Variants in COL15A1 observed in about 807,000 individuals in gnomAD.
COL15A1 encodes collagen alpha-1(XV) chain.
A neutral mutation model predicts 165.9 loss-of-function variants in COL15A1; 111 were observed. That is an observed-to-expected ratio of 0.67 (90% CI 0.57 to 0.78). COL15A1 has a LOEUF of 0.78. COL15A1 is among the 30% of genes least tolerant of loss of function. The pLI is 0.00. For missense variants in COL15A1, 1,745 were observed against 1,789.7 expected, an observed-to-expected ratio of 0.98 and a Z score of 0.45; for synonymous variants, 659 against 674.8, an observed-to-expected ratio of 0.98 and a Z score of 0.36.
chr9:98,996,740 AC>A (rs1233598618), intron 5 of COL15A1, among the ~76,000 whole-genome samples, 193 bp from the exon 6 acceptor site: 1 of 152,038 alleles, frequency 6.6e-6, no homozygotes, highest in Non-Finnish European at 1.5e-5. Flanking sequence ...GAATCTAATG[AC>A]CTCTAGTAGG....
At chr9:99,038,440 G>A (rs898851929) in intron 21 of COL15A1, among the ~76,000 whole-genome samples, 2 of 152,202 alleles carry the variant, frequency 1.3e-5, no homozygotes, top group African/African-American at 2.4e-5. Flanking sequence ...GAAGACATTC[G>A]TATATTGTGT....
chr9:99,015,905 C>T lies in COL15A1; in HGVS notation c.1504-71C>T, dbSNP rs534343131. 5.7e-5 allele frequency: 89 copies of T among 1,559,968 alleles called. No homozygotes were observed. In the East Asian group the frequency reaches 6.3e-4, roughly 11 times the overall value. On this transcript the variant is annotated intron_variant, in intron 10 of 41. Transcript: ENST00000375001. ...TGAAACTGGGCTGGCACCACAGAAACGACTGTTACAACTCCCTGGCAGCCT... is the reference window on the plus strand; with the variant it reads ...TGAAACTGGGCTGGCACCACAGAAATGACTGTTACAACTCCCTGGCAGCCT...
intron 5 of COL15A1, among the ~76,000 whole-genome samples, chr9:98,995,018 C>T (rs921540778): frequency 6.6e-6 from 1 of 152,082 alleles, no homozygotes; most frequent in African/African-American, 2.4e-5. Flanking sequence ...CTGCCCTGCC[C>T]GCCTCATCCC....
At chr9:98,970,954 C>T (rs1838039421) in intron 2 of COL15A1, among the ~76,000 whole-genome samples, 1 of 152,064 alleles carries the variant, frequency 6.6e-6, no homozygotes, top group South Asian at 2.1e-4. Context: ...GTATGTGAAC[C>T]TATGCGTGTG....
At chr9:98,991,642 G>A (rs1343954412) in intron 5 of COL15A1, among the ~76,000 whole-genome samples, 1 of 152,120 alleles carries the variant, frequency 6.6e-6, no homozygotes, top group Non-Finnish European at 1.5e-5. Context: ...CCTTGAGCTA[G>A]ATACAGAGTG....
chr9:98,960,853 T>C (rs1837854193), intron 2 of COL15A1, among the ~76,000 whole-genome samples: 2 of 152,222 alleles, frequency 1.3e-5, no homozygotes, highest in African/African-American at 4.8e-5. Flanking sequence ...CTGTGTCCTC[T>C]CTCAGCATTG....
At chr9:98,979,891 C>G (rs74824201) in intron 2 of COL15A1, among the ~76,000 whole-genome samples, 3,427 of 152,136 alleles carry the variant, frequency 0.023, 109 homozygotes, top group African/African-American at 0.078. Flanking sequence ...AGCGCAGGGG[C>G]TCACACCTGT....
intron 2 of COL15A1, among the ~76,000 whole-genome samples, chr9:98,968,312 A>G (rs929718433): frequency 6.6e-6 from 1 of 152,238 alleles, no homozygotes; most frequent in African/African-American, 2.4e-5. Flanking sequence ...CCACAAACTG[A>G]GTGGCTTAAA....
At chr9:98,996,900 A>G in intron 5 of COL15A1, 34 bp from the exon 6 acceptor site, 1 of 1,608,258 alleles carries the variant, frequency 6.2e-7, no homozygotes, top group Non-Finnish European at 8.5e-7. Flanking sequence ...ACTGCCAAGT[A>G]AATCATTTTG....
At chr9:99,033,595 G>T (rs1326556852) in intron 16 of COL15A1, among the ~76,000 whole-genome samples, 2 of 152,130 alleles carry the variant, frequency 1.3e-5, no homozygotes, top group Non-Finnish European at 2.9e-5. Flanking sequence ...TTCTATTTTG[G>T]ATTTAATGCC....
At chr9:99,031,987 C>T (rs1323186698) in intron 16 of COL15A1, among the ~76,000 whole-genome samples, 1 of 151,832 alleles carries the variant, frequency 6.6e-6, no homozygotes, top group Non-Finnish European at 1.5e-5. Flanking sequence ...AAGTCATTTG[C>T]CCTTGATGAT....
intron 8 of COL15A1, among the ~76,000 whole-genome samples, chr9:99,004,665 G>A (rs951951614): frequency 6.6e-6 from 1 of 152,180 alleles, no homozygotes; most frequent in African/African-American, 2.4e-5. Flanking sequence ...GGGTTGGCAG[G>A]GAGTGGCTGG....
intron 16 of COL15A1, among the ~76,000 whole-genome samples, chr9:99,031,627 C>G (rs559759662): frequency 1.3e-5 from 2 of 152,148 alleles, no homozygotes; most frequent in Non-Finnish European, 2.9e-5. Context: ...ACTAGAGTCC[C>G]AAAGTTTCAG....
chr9:98,967,813 A>G (rs1329520429), intron 2 of COL15A1, among the ~76,000 whole-genome samples: 2 of 152,160 alleles, frequency 1.3e-5, no homozygotes, highest in Non-Finnish European at 2.9e-5. Flanking sequence ...CCATTCAGGT[A>G]GTAGGATGCC....
In COL15A1 at chr9:99,055,088, C is replaced by T. The variant is rs1489785582; in HGVS notation, c.3032-14C>T. On this transcript the variant is annotated splice_polypyrimidine_tract_variant and intron_variant, in intron 32 of 41. Transcript: ENST00000375001. ...AATTACAATCGTGAATTTTACGAAG[C>T]ATTTCTTTTTCAGGTCCTCCACTTG... 1 of 1,605,798 alleles carries T rather than the reference C, an allele frequency of 6.2e-7. No individual in the cohort carries two copies. The highest frequency in any genetic ancestry group is 1.3e-5 in the African/African-American group (1 of 74,734).
intron 2 of COL15A1, among the ~76,000 whole-genome samples, chr9:98,951,099 C>A (rs1420465518): frequency 6.6e-6 from 1 of 152,166 alleles, no homozygotes; most frequent in African/African-American, 2.4e-5. Flanking sequence ...GGGTAGGAGT[C>A]ACACCTGAAG....
At chr9:99,034,880 C>A (rs577861075) in intron 17 of COL15A1, 134 bp from the exon 18 acceptor site, 17 of 905,518 alleles carry the variant, frequency 1.9e-5, no homozygotes, top group African/African-American at 1.6e-4. Context: ...GTTTCTGTAC[C>A]ATTAAGTGGT....
intron 26 of COL15A1, among the ~76,000 whole-genome samples, chr9:99,045,872 A>T (rs1482091303): frequency 6.6e-6 from 1 of 152,232 alleles, no homozygotes; most frequent in Non-Finnish European, 1.5e-5. Context: ...GTTGGATCTC[A>T]GGTGTGGGGA....
At position 99,016,093 on chromosome 9, in the gene COL15A1, G is replaced by A. The variant is rs539652577; in HGVS notation, c.1621G>A (p.Val541Met). The A allele has an allele frequency of 1.9e-6, 3 of 1,613,036 alleles. No homozygotes were observed. The African/African-American group carries it at 4.0e-5, about 22-fold the overall frequency. ...TGGGCCACCGCTGCCCCTGCCCACAGTGGCTCCTGAAAGATGGATCACTCC... is the reference window on the plus strand; with the variant it reads ...TGGGCCACCGCTGCCCCTGCCCACAATGGCTCCTGAAAGATGGATCACTCC... ...PDGPPLPLPT[V>M]APERWITPAQ... Residue 541 changes from valine (V) to methionine (M), a missense_variant, in exon 11 of 42, where the codon GTG becomes ATG. Physicochemically the swap from Val to Met is conservative, Grantham distance 21. Coordinates refer to ENST00000375001, the MANE Select transcript of COL15A1 (RefSeq NM_001855.5).
Sources: allele counts gnomAD v4.1 joint callset (sites outside exome capture counted in the v4.1 genomes callset), GRCh38; gene constraint gnomAD v4.1.1; transcripts MANE v1.5; gene names NCBI Gene and HGNC (gene_info 2026-07-23, HGNC 2026-07-21).